TRIO: variants seen among roughly 807,000 people sequenced by gnomAD.
TRIO encodes the protein trio Rho guanine nucleotide exchange factor, also known as triple functional domain protein.
Under a neutral mutation model 351.9 loss-of-function variants are expected in TRIO, and 58 were observed. The ratio of observed to expected loss-of-function variants is 0.16; its 90% CI spans 0.13 to 0.21. The LOEUF is 0.21. Ranked by LOEUF, TRIO falls within the 10% of genes least tolerant of loss-of-function variation. The probability of loss-of-function intolerance (pLI) is 1.00; values close to 1 mark genes in which losing one functional copy is unlikely to be tolerated. For missense variants in TRIO, 3,201 were observed against 4,027.8 expected (o/e 0.79, Z 5.56); for synonymous variants, 1,758 against 1,595.7 (o/e 1.10, Z -2.42).
At chr5:14,381,320 GA>G (rs1746084448) in intron 21 of TRIO, 68 bp downstream of exon 21, 1 of 1,519,088 alleles carries the variant, frequency 6.6e-7, no homozygotes. Flanking sequence ...ATATCATAAA[GA>G]AATACCTCAT....
intron 34 of TRIO, among the ~76,000 whole-genome samples, chr5:14,444,670 T>G (rs1752309159): frequency 6.6e-6 from 1 of 152,224 alleles, no homozygotes; most frequent in Non-Finnish European, 1.5e-5. Flanking sequence ...TCTATTTCAT[T>G]TTAAGCAAAC....
chr5:14,418,266 T>C (rs1749810737), intron 33 of TRIO, among the ~76,000 whole-genome samples: 1 of 152,160 alleles, frequency 6.6e-6, no homozygotes, highest in Non-Finnish European at 1.5e-5. Context: ...CTTTGCCTCC[T>C]ATGCTAAGGC....
rs1279375280 is a variant in TRIO at position 14,280,329 on chromosome 5, A to G, written c.240A>G (p.Arg80=). 2.5e-6 allele frequency: 4 copies of G among 1,613,996 alleles called. No individual in the cohort carries two copies. The highest frequency in any genetic ancestry group is 2.7e-5 in the African/African-American group (2 of 75,000). ...KEKVAYLSGG[R]DKRGGPILTF... ...CTAATGTTTGTTTTTTAGGTGGGAG[A>G]GATAAACGTGGAGGTCCCATTTTAA... Residue 80 remains arginine, a synonymous_variant, in exon 3 of 57, where the codon AGA becomes AGG. Transcript: ENST00000344204.
chr5:14,330,903 A>C lies in TRIO; in HGVS notation c.1854+3A>C, dbSNP rs750507959. 5 of 1,613,854 alleles carry C rather than the reference A, an allele frequency of 3.1e-6. No homozygotes were observed. Among genetic ancestry groups the C allele is most frequent in the East Asian group, 2.2e-5 (1 of 44,892 alleles). The stretch of plus-strand genomic sequence containing the variant: ...AAGATTTTGAAGAAGTGGCACAGGT[A>C]AAACAATGGCTTCTATTATTTTATC... On this transcript the variant is annotated splice_donor_region_variant and intron_variant, in intron 10 of 56. Coordinates refer to ENST00000344204, the MANE Select transcript of TRIO (RefSeq NM_007118.4).
chr5:14,342,642 A>G (rs1742044512), intron 11 of TRIO, among the ~76,000 whole-genome samples: 1 of 152,220 alleles, frequency 6.6e-6, no homozygotes, highest in African/African-American at 2.4e-5. Flanking sequence ...TCTCTTGTGC[A>G]AAGTTGTCTA....
intron 32 of TRIO, 41 bp downstream of exon 32, chr5:14,406,031 G>C (rs776588239): frequency 2.1e-5 from 33 of 1,600,092 alleles, no homozygotes; most frequent in Non-Finnish European, 2.7e-5. Context: ...GGATGTGGGA[G>C]GGAGGGGCGA....
chr5:14,170,357 A>G (rs1424217992), intron 1 of TRIO, among the ~76,000 whole-genome samples: 1 of 152,148 alleles, frequency 6.6e-6, no homozygotes, highest in Non-Finnish European at 1.5e-5. Context: ...AAATTGTTGT[A>G]CATTTGCTTT....
chr5:14,145,504 CT>C (rs35067974), intron 1 of TRIO, among the ~76,000 whole-genome samples: 106 of 144,474 alleles, frequency 7.3e-4, no homozygotes, highest in Admixed American at 6.9e-4. Flanking sequence ...CCCCCCCCAC[CT>C]TTTTTTTTTT....
At chr5:14,477,126 C>T (rs1755139784) in intron 41 of TRIO, 163 bp downstream of exon 41, 1 of 615,044 alleles carries the variant, frequency 1.6e-6, no homozygotes. Flanking sequence ...ATCCCTTCTT[C>T]AACATGAGTT....
At position 14,316,571 on chromosome 5, in the gene TRIO, G is replaced by A. The variant is rs202028964; in HGVS notation, c.1559G>A (p.Ser520Asn). 2.5e-6 allele frequency: 4 copies of A among 1,614,096 alleles called. No individual in the cohort carries two copies. The highest frequency in any genetic ancestry group is 3.4e-6 in the Non-Finnish European group (4 of 1,180,042). Residue 520 changes from serine to asparagine, a missense_variant, in exon 9 of 57, where the codon AGC becomes AAC. Around this residue, in one of 19 missense-constraint regions of TRIO, gnomAD observed 349 missense variants for 449.3 expected, o/e 0.78. Coordinates refer to ENST00000344204, the MANE Select transcript of TRIO (RefSeq NM_007118.4). ...CTCCAGCGGCCCTTGACTCCCGGCAGCTCCGATTCCCTGACAGCCTCTGCC... is the reference window on the plus strand; with the variant it reads ...CTCCAGCGGCCCTTGACTCCCGGCAACTCCGATTCCCTGACAGCCTCTGCC... The part of the protein sequence containing the change: ...DKLQRPLTPG[S>N]SDSLTASANY...
intron 1 of TRIO, among the ~76,000 whole-genome samples, chr5:14,161,544 G>A (rs1176566993): frequency 1.3e-5 from 2 of 152,116 alleles, no homozygotes; most frequent in Admixed American, 6.5e-5. Context: ...TGACCCCAGC[G>A]CCGGCCCAGA....
rs190587364 is a variant in TRIO at position 14,407,071 on chromosome 5, G to C, written c.4959+399G>C. On this transcript the variant is annotated intron_variant, in intron 33 of 56. Transcript: ENST00000344204. Reference sequence around the variant, plus strand: ...ATGGACAGCACCCTTCCAGCGACTAGGAGGGACACAAGATGGAAATAAAGA... The same window carrying C: ...ATGGACAGCACCCTTCCAGCGACTACGAGGGACACAAGATGGAAATAAAGA... Among the ~76,000 whole-genome samples, 5 of 152,300 alleles carry C rather than the reference G, an allele frequency of 3.3e-5. No individual in the cohort carries two copies. In the East Asian group the frequency reaches 9.6e-4, roughly 29 times the overall value.
intron 8 of TRIO, among the ~76,000 whole-genome samples, chr5:14,309,260 A>G (rs759810145): frequency 4.6e-5 from 7 of 152,250 alleles, no homozygotes; most frequent in Non-Finnish European, 8.8e-5. Flanking sequence ...GCAGCAAGAA[A>G]CCTGGCTTCT....
intron 21 of TRIO, among the ~76,000 whole-genome samples, chr5:14,386,972 A>C (rs974515026): frequency 6.6e-6 from 1 of 152,236 alleles, no homozygotes; most frequent in African/African-American, 2.4e-5. Context: ...GTGGCCACAC[A>C]TGCTTCAGGA....
chr5:14,177,177 C>T (rs1789456755), intron 1 of TRIO, among the ~76,000 whole-genome samples: 1 of 152,148 alleles, frequency 6.6e-6, no homozygotes, highest in African/African-American at 2.4e-5. Context: ...CTGGAATTCA[C>T]TTGAGTGTTG....
At chr5:14,279,875 T>G (rs1735842865) in intron 2 of TRIO, among the ~76,000 whole-genome samples, 1 of 152,242 alleles carries the variant, frequency 6.6e-6, no homozygotes. Flanking sequence ...TTCCTTTTGC[T>G]TTCCTTTCAA....
At chr5:14,468,011 T>C (rs1025923531) in intron 37 of TRIO, among the ~76,000 whole-genome samples, 1 of 152,190 alleles carries the variant, frequency 6.6e-6, no homozygotes, top group Non-Finnish European at 1.5e-5. Context: ...TTAAAATCAT[T>C]CTTACCAAAT....
At chr5:14,207,218 C>G (rs1261775846) in intron 1 of TRIO, among the ~76,000 whole-genome samples, 1 of 151,370 alleles carries the variant, frequency 6.6e-6, no homozygotes, top group Non-Finnish European at 1.5e-5. Context: ...TGGCTTGAGG[C>G]TAGGAGTTCA....
At chr5:14,188,899 T>C (rs566514408) in intron 1 of TRIO, among the ~76,000 whole-genome samples, 2 of 152,370 alleles carry the variant, frequency 1.3e-5, no homozygotes, top group African/African-American at 4.8e-5. Flanking sequence ...AGCATATGAA[T>C]ACTTTCAGAA....
Sources: allele counts gnomAD v4.1 joint callset (sites outside exome capture counted in the v4.1 genomes callset), GRCh38; gene constraint gnomAD v4.1.1; regional missense constraint gnomAD v4.1.1; transcripts MANE v1.5; gene names NCBI Gene and HGNC (gene_info 2026-07-23, HGNC 2026-07-21).